Variants in PCSK6 observed in about 807,000 individuals in gnomAD.
PCSK6 encodes the protein paired basic amino acid cleaving enzyme 4.
Under a neutral mutation model 123.3 loss-of-function variants are expected in PCSK6, and 85 were observed. The observed-to-expected ratio is 0.69, with a 90% CI of 0.58 to 0.83. The LOEUF is 0.83. Ranked by LOEUF, PCSK6 falls within the 40% of genes least tolerant of loss-of-function variation. PCSK6 has a pLI of 0.00. For synonymous variants in PCSK6, 508 were observed against 516.0 expected (o/e 0.98, Z 0.21); for missense variants, 1,191 against 1,282.3 (o/e 0.93, Z 1.09).
At chr15:101,313,103 G>T in intron 20 of PCSK6, 1 of 1,396,596 alleles carries the variant, frequency 7.2e-7, no homozygotes. Context: ...GTCCCGCGTA[G>T]TCCACCAATG....
chr15:101,481,971 C>T (rs2057898255), intron 1 of PCSK6, among the ~76,000 whole-genome samples: 1 of 152,200 alleles, frequency 6.6e-6, no homozygotes, highest in African/African-American at 2.4e-5. Context: ...TGCTGGTGTG[C>T]AGCCCTTTGA....
chr15:101,318,187 TG>T, intron 19 of PCSK6, 131 bp downstream of exon 19: 1 of 659,008 alleles, frequency 1.5e-6, no homozygotes, highest in Non-Finnish European at 2.7e-6. Context: ...CTTTGTACCT[TG>T]TTTTGCCCTT....
chr15:101,405,684 T>TA (rs5815010), intron 6 of PCSK6, among the ~76,000 whole-genome samples: 33 of 146,984 alleles, frequency 2.2e-4, no homozygotes, highest in Non-Finnish European at 2.3e-4. Context: ...TTAGTGAAGC[T>TA]AAAAAAAAAA....
chr15:101,379,171 C>A (rs934780845), intron 11 of PCSK6, among the ~76,000 whole-genome samples: 1 of 152,254 alleles, frequency 6.6e-6, no homozygotes, highest in Non-Finnish European at 1.5e-5. Flanking sequence ...GAAGGGGTAG[C>A]CCATTTGACT....
intron 12 of PCSK6, among the ~76,000 whole-genome samples, chr15:101,367,145 G>A (rs1376292115): frequency 6.6e-6 from 1 of 152,086 alleles, no homozygotes. Flanking sequence ...TTTCCCAACT[G>A]TACCCTTGAG....
At chr15:101,468,299 G>A (rs1015463585) in intron 1 of PCSK6, among the ~76,000 whole-genome samples, 3 of 152,068 alleles carry the variant, frequency 2.0e-5, no homozygotes, top group Non-Finnish European at 1.5e-5. Context: ...CATCATCATC[G>A]TCACAGCACC....
rs1230521061 is a variant in PCSK6 at position 101,304,304 on chromosome 15, G to A, written c.*954C>T. On this transcript the variant is annotated 3_prime_UTR_variant, in exon 22 of 22. Coordinates refer to ENST00000611716, the MANE Select transcript of PCSK6 (RefSeq NM_002570.5). ...GTCATGTAGGCTTGTAATATACACA[G>A]ACACAGGAGTTTCCACCTTAAAAAC... The A allele has an allele frequency of 6.6e-6, 1 of 152,536 alleles. No homozygotes were observed. The highest frequency in any genetic ancestry group is 6.5e-5 in the Admixed American group (1 of 15,284). 9.4% of individuals were successfully genotyped at this position (152,536 alleles called of 1,614,324 possible).
intron 18 of PCSK6, among the ~76,000 whole-genome samples, chr15:101,319,644 G>A (rs1307885466): frequency 6.6e-6 from 1 of 152,110 alleles, no homozygotes; most frequent in Non-Finnish European, 1.5e-5. Flanking sequence ...GATCACCAAT[G>A]GCCAATGATG....
intron 20 of PCSK6, among the ~76,000 whole-genome samples, chr15:101,310,182 C>T (rs572680282): frequency 6.6e-5 from 10 of 152,350 alleles, no homozygotes; most frequent in South Asian, 6.2e-4. Context: ...TCCACACTGA[C>T]GCTCTTCCTG....
intron 7 of PCSK6, among the ~76,000 whole-genome samples, chr15:101,397,519 G>A (rs572737084): frequency 2.5e-4 from 38 of 151,948 alleles, no homozygotes; most frequent in Non-Finnish European, 4.7e-4. Flanking sequence ...CCCCACAGGA[G>A]GAGTCAGAGA....
At chr15:101,358,817 A>G (rs981345626) in intron 13 of PCSK6, among the ~76,000 whole-genome samples, 2 of 151,826 alleles carry the variant, frequency 1.3e-5, no homozygotes, top group African/African-American at 4.8e-5. Flanking sequence ...CCCTTCCCTC[A>G]CCCTGGGAGG....
intron 1 of PCSK6, among the ~76,000 whole-genome samples, chr15:101,489,134 C>G (rs1479031064): frequency 1.4e-5 from 2 of 143,302 alleles, no homozygotes; most frequent in South Asian, 4.3e-4. Context: ...GCCGGACCTG[C>G]GTGGGCGCCC....
At chr15:101,371,603 A>G (rs1405530048) in intron 11 of PCSK6, among the ~76,000 whole-genome samples, 1 of 152,248 alleles carries the variant, frequency 6.6e-6, no homozygotes, top group Admixed American at 6.5e-5. Context: ...AGAATTTCCA[A>G]GGATTAACCC....
intron 1 of PCSK6, among the ~76,000 whole-genome samples, chr15:101,488,687 A>C (rs1429128558): frequency 1.3e-5 from 2 of 152,062 alleles, no homozygotes; most frequent in Admixed American, 6.5e-5. Flanking sequence ...AAGCCCCCAC[A>C]CAAAGCGCCC....
intron 1 of PCSK6, among the ~76,000 whole-genome samples, chr15:101,484,418 C>G (rs1160990579): frequency 6.6e-6 from 1 of 152,188 alleles, no homozygotes; most frequent in South Asian, 2.1e-4. Context: ...GAGTTTCACT[C>G]TACTCGTCGG....
At chr15:101,319,050 C>A (rs1252717664) in intron 18 of PCSK6, among the ~76,000 whole-genome samples, 3 of 152,228 alleles carry the variant, frequency 2.0e-5, no homozygotes, top group Non-Finnish European at 4.4e-5. Context: ...CTGAGCTAGA[C>A]CACCCACGTG....
chr15:101,432,089 G>A lies in PCSK6; in HGVS notation c.414C>T (p.Leu138=). The A allele has an allele frequency of 2.5e-6, 4 of 1,613,234 alleles. No homozygotes were observed. Among genetic ancestry groups the A allele is most frequent in the South Asian group, 2.2e-5 (2 of 90,878 alleles). The change falls in exon 3 of 22, where the codon CTC becomes CTT. Residue 138 remains leucine (L), a synonymous_variant. Coordinates refer to ENST00000611716, the MANE Select transcript of PCSK6 (RefSeq NM_002570.5). ...FLRMDPQVKW[L]QQQEVKRRVK... is the part of the protein sequence containing the mutation. The stretch of plus-strand genomic sequence containing the variant: ...CCCTTCGTTTCACTTCCTGTTGCTG[G>A]AGCCATTTCACCTACCAGAAGAAAT...
intron 16 of PCSK6, among the ~76,000 whole-genome samples, chr15:101,325,301 A>T (rs2040226257): frequency 6.6e-6 from 1 of 152,196 alleles, no homozygotes; most frequent in African/African-American, 2.4e-5. Flanking sequence ...ATGGTTTCCC[A>T]AGGGCATCGT....
At chr15:101,346,904 T>A (rs1250510023) in intron 13 of PCSK6, 2 of 1,231,550 alleles carry the variant, frequency 1.6e-6, no homozygotes, top group Non-Finnish European at 1.0e-6. Flanking sequence ...TAAGTGGGGA[T>A]ACATACTTCT....
Sources: allele counts gnomAD v4.1 joint callset (sites outside exome capture counted in the v4.1 genomes callset), GRCh38; gene constraint gnomAD v4.1.1; transcripts MANE v1.5; gene names NCBI Gene and HGNC (gene_info 2026-07-23, HGNC 2026-07-21).